Variants in CCDC97 observed in about 807,000 individuals in gnomAD.
CCDC97 encodes coiled-coil domain containing 97.
Under a neutral mutation model 33.9 loss-of-function variants are expected in CCDC97, and 27 were observed. The ratio of observed to expected loss-of-function variants is 0.80; its 90% confidence interval spans 0.59 to 1.10. The LOEUF (loss-of-function observed/expected upper bound fraction) is 1.10. CCDC97 is among the 50% of genes least tolerant of loss of function. The pLI, the probability that CCDC97 is intolerant of heterozygous loss-of-function variation, is 0.00. For synonymous variants in CCDC97, 217 were observed against 194.0 expected, an observed-to-expected ratio of 1.12 and a Z score of -0.99; for missense variants, 422 against 476.6, an observed-to-expected ratio of 0.89 and a Z score of 1.07.
chr19:41,316,863 G>T (rs1376143567), intron 2 of CCDC97, 24 bp downstream of exon 2: 1 of 1,547,968 alleles, frequency 6.5e-7, no homozygotes, highest in Non-Finnish European at 8.8e-7. Context: ...ATGGGCGACA[G>T]TGGGCACATA....
chr19:41,314,748 T>G (rs902980138), intron 1 of CCDC97, among the ~76,000 whole-genome samples: 4 of 152,134 alleles, frequency 2.6e-5, no homozygotes, highest in Non-Finnish European at 4.4e-5. Context: ...CACTGTAATC[T>G]CAGCACTTTG....
intron 4 of CCDC97, among the ~76,000 whole-genome samples, chr19:41,321,839 T>G (rs2037827740): frequency 6.6e-6 from 1 of 152,204 alleles, no homozygotes; most frequent in Non-Finnish European, 1.5e-5. Context: ...CAAGCTAGGC[T>G]TGGCAACCCA....
intron 4 of CCDC97, 69 bp downstream of exon 4, chr19:41,320,539 C>T (rs763788833): frequency 4.4e-6 from 7 of 1,591,670 alleles, no homozygotes; most frequent in East Asian, 2.2e-5. Flanking sequence ...CATGCAGAGC[C>T]CTTAACAAGC....
In CCDC97 at chr19:41,316,459, TG is replaced by T; in HGVS notation, c.124del (p.Glu42LysfsTer22). 3.7e-6 allele frequency: 6 copies of T among 1,614,168 alleles called. No homozygotes were observed. The highest frequency in any genetic ancestry group is 5.1e-6 in the Non-Finnish European group (6 of 1,180,016). On this transcript the variant is annotated frameshift_variant, in exon 2 of 5. Transcript: ENST00000269967. LOFTEE classifies it high-confidence loss of function. Reference sequence around the variant, plus strand: ...GTCCCATCTAAACCCCAGGACAAAGTGGAAGCAGCTGAGGCAACACCAGTGG... The same window carrying T: ...GTCCCATCTAAACCCCAGGACAAAGTGAAGCAGCTGAGGCAACACCAGTGG... ...TPVPSKPQDK[V>X]EAAEATPVAL...
rs1490331297 is a variant in CCDC97 at position 41,320,474 on chromosome 19, C to T, written c.911+4C>T. On this transcript the variant is annotated splice_donor_region_variant and intron_variant, in intron 4 of 4. Transcript: ENST00000269967. ...AGGACGGGGACTTTGACTACAGGTG[C>T]TCCTGTGCCTCCACCTCCCCATCCC... The T allele has an allele frequency of 1.2e-6, 2 of 1,613,664 alleles. No individual in the cohort carries two copies. Among genetic ancestry groups the T allele is most frequent in the Admixed American group, 1.7e-5 (1 of 59,990 alleles).
Position 41,310,375 on chromosome 19 carries a change from G to A in CCDC97, c.46+19G>A, listed in dbSNP as rs1382195660. 1.9e-6 allele frequency: 3 copies of A among 1,598,746 alleles called. No homozygotes were observed. The highest frequency in any genetic ancestry group is 1.3e-5 in the African/African-American group (1 of 74,870). ...GATAAGGGTGAGATCTTGGTCACGC[G>A]CAGGCGGCGGGTGGGTGCGGTTGCG... On this transcript the variant is annotated intron_variant, in intron 1 of 4. Transcript: ENST00000269967.
intron 1 of CCDC97, among the ~76,000 whole-genome samples, chr19:41,314,223 C>T (rs369449132): frequency 2.0e-5 from 3 of 151,836 alleles, no homozygotes; most frequent in Non-Finnish European, 2.9e-5. Flanking sequence ...CTTGGCTCAC[C>T]GCAACCTCTG....
intron 2 of CCDC97, among the ~76,000 whole-genome samples, chr19:41,317,812 G>A (rs1280536816): frequency 6.6e-6 from 1 of 151,998 alleles, no homozygotes; most frequent in Non-Finnish European, 1.5e-5. Flanking sequence ...CACTTTGGGA[G>A]GGCGAGGTGG....
In CCDC97 at chr19:41,310,240, C is replaced by G. The variant is rs1470996422; in HGVS notation, c.-71C>G. On this transcript the variant is annotated 5_prime_UTR_variant, in exon 1 of 5. Coordinates refer to ENST00000269967, the MANE Select transcript of CCDC97 (RefSeq NM_052848.3). ...CCGGAACATTCTCAGGCGAAAGTGT[C>G]TCTTGCGTGCGTGGGCCGGAGGTTA... The G allele has an allele frequency of 6.5e-7, 1 of 1,548,638 alleles. No individual in the cohort carries two copies. Among genetic ancestry groups the G allele is most frequent in the Non-Finnish European group, 8.7e-7 (1 of 1,143,408 alleles).
intron 2 of CCDC97, among the ~76,000 whole-genome samples, chr19:41,317,472 C>G (rs952656132): frequency 1.3e-5 from 2 of 152,080 alleles, no homozygotes; most frequent in Non-Finnish European, 2.9e-5. Context: ...CCTGTAATCC[C>G]AGCACTTTGG....
chr19:41,318,030 G>T (rs2037771145), intron 2 of CCDC97, among the ~76,000 whole-genome samples: 1 of 151,708 alleles, frequency 6.6e-6, no homozygotes. Context: ...AATGAGGTGG[G>T]GGTAGGTGAC....
rs770534643 is a variant in CCDC97, at chr19:41,316,692, C to T, written c.355C>T (p.His119Tyr). The T allele has an allele frequency of 1.2e-6, 2 of 1,614,104 alleles. No homozygotes were observed. Among genetic ancestry groups the T allele is most frequent in the Non-Finnish European group, 1.7e-6 (2 of 1,180,014 alleles). Residue 119 changes from histidine to tyrosine, a missense_variant, in exon 2 of 5, where the codon CAT becomes TAT. Coordinates refer to ENST00000269967, the MANE Select transcript of CCDC97 (RefSeq NM_052848.3). ...ERFRTGLREE[H>Y]LACFGHVRGD... The stretch of plus-strand genomic sequence containing the variant: ...CTTCCGCACAGGCCTCCGTGAGGAG[C>T]ATCTGGCCTGCTTTGGCCACGTGCG...
Position 41,319,757 on chromosome 19 carries a change from A to G in CCDC97, c.686A>G (p.Glu229Gly). Residue 229 changes from glutamate to glycine, a missense_variant, in exon 3 of 5, where the codon GAG (glutamate) becomes GGG (glycine). Glu to Gly is a moderately conservative substitution (Grantham distance 98). Transcript: ENST00000269967. ...TCCAACTTGCTGCTCCAGTCCTACG[A>G]GGAGCGGGAGCTACAGCAGCGTCTG... The part of the protein sequence containing the change: ...PLSNLLLQSY[E>G]ERELQQRLLQ... 1 of 1,613,742 alleles carries G rather than the reference A, an allele frequency of 6.2e-7. No individual in the cohort carries two copies. The highest frequency in any genetic ancestry group is 8.5e-7 in the Non-Finnish European group (1 of 1,179,854).
In CCDC97 at chr19:41,316,587, G is replaced by A; in HGVS notation, c.250G>A (p.Glu84Lys). The change falls in exon 2 of 5, where the codon GAA becomes AAA. Residue 84 changes from glutamate (E) to lysine (K), a missense_variant. Glu to Lys is a moderately conservative substitution (Grantham distance 56). Transcript: ENST00000269967. ...RLPVCSQQQG[E>K]PDLTEHEKVA... ...GCCTGTTTGCAGCCAGCAGCAGGGT[G>A]AACCCGACTTGACAGAGCATGAGAA... 1 of 1,614,262 alleles carries A rather than the reference G, an allele frequency of 6.2e-7. No individual in the cohort carries two copies. The highest frequency in any genetic ancestry group is 8.5e-7 in the Non-Finnish European group (1 of 1,180,050).
At chr19:41,317,490 A>C (rs1408638429) in intron 2 of CCDC97, among the ~76,000 whole-genome samples, 1 of 152,116 alleles carries the variant, frequency 6.6e-6, no homozygotes, top group Non-Finnish European at 1.5e-5. Context: ...TGGGAGGTCA[A>C]GGTGGGTAGA....
intron 4 of CCDC97, among the ~76,000 whole-genome samples, chr19:41,321,853 G>A (rs1054452889): frequency 8.5e-5 from 13 of 152,196 alleles, no homozygotes; most frequent in African/African-American, 2.4e-4. Context: ...CAACCCAAGT[G>A]CGTGCTGCTG....
intron 2 of CCDC97, among the ~76,000 whole-genome samples, 184 bp from the exon 3 acceptor site, chr19:41,319,390 G>A (rs935622660): frequency 2.0e-5 from 3 of 151,990 alleles, no homozygotes; most frequent in African/African-American, 4.8e-5. Flanking sequence ...CGCCTCAGGC[G>A]CCTGCATGAG....
rs748984751 is a variant in CCDC97, at chr19:41,323,798, CT to C, written c.*1084del. 9.1e-4 allele frequency: 139 copies of C among 153,038 alleles called. No individual in the cohort carries two copies. In the Middle Eastern group the frequency reaches 9.9e-3, roughly 11 times the overall value. 9.5% of individuals were successfully genotyped at this position (153,038 alleles called of 1,614,324 possible). On this transcript the variant is annotated 3_prime_UTR_variant, in exon 5 of 5. Transcript: ENST00000269967. ...CGCAGGGCCCGCCCCATGGAGCCCC[CT>C]GCCGCCCTGGGCTAATGGGAGCCAG...
At chr19:41,313,112 C>T (rs147339889) in intron 1 of CCDC97, among the ~76,000 whole-genome samples, 7 of 152,084 alleles carry the variant, frequency 4.6e-5, no homozygotes, top group Admixed American at 1.3e-4. Context: ...CCAGGGATTA[C>T]GATGTAGCTA....
Sources: gnomAD v4.1 joint callset for allele counts (sites outside exome capture counted in the v4.1 genomes callset) on GRCh38, gnomAD v4.1.1 for gene constraint, MANE v1.5 for transcripts, NCBI Gene and HGNC (gene_info 2026-07-23, HGNC 2026-07-21) for gene names.